Variants in RNF130 observed in about 807,000 individuals in gnomAD.
The protein encoded by RNF130 is E3 ubiquitin-protein ligase RNF130.
Under a neutral mutation model 44.6 loss-of-function variants are expected in RNF130, and 21 were observed. The ratio of observed to expected loss-of-function variants is 0.47; its 90% CI spans 0.33 to 0.68. The LOEUF is 0.68. Ranked by LOEUF, RNF130 falls within the 30% of genes least tolerant of loss-of-function variation. The pLI is 0.02. For missense variants in RNF130, 479 were observed against 560.6 expected, an observed-to-expected ratio of 0.85 and a Z score of 1.47; for synonymous variants, 214 against 210.4, an observed-to-expected ratio of 1.02 and a Z score of -0.15.
chr5:179,965,928 T>C (rs1762432477), intron 7 of RNF130, among the ~76,000 whole-genome samples: 1 of 152,160 alleles, frequency 6.6e-6, no homozygotes, highest in African/African-American at 2.4e-5. Flanking sequence ...ACTCCCAGAC[T>C]GGAGAAGGGT....
At chr5:180,036,741 C>T (rs942309259) in intron 2 of RNF130, among the ~76,000 whole-genome samples, 1 of 150,140 alleles carries the variant, frequency 6.7e-6, no homozygotes, top group African/African-American at 2.4e-5. Flanking sequence ...TTAATCCTAC[C>T]TTATAAATAT....
At chr5:180,033,527 C>G (rs76597950) in intron 2 of RNF130, among the ~76,000 whole-genome samples, 99 of 152,104 alleles carry the variant, frequency 6.5e-4, no homozygotes, top group African/African-American at 2.3e-3. Context: ...AGTTCGAGAC[C>G]AGCCCGGCCA....
chr5:180,001,223 T>C (rs1358856964), intron 3 of RNF130, among the ~76,000 whole-genome samples: 1 of 152,128 alleles, frequency 6.6e-6, no homozygotes, highest in East Asian at 1.9e-4. Flanking sequence ...TCAAAGGCCT[T>C]TGGGGACCTA....
chr5:180,026,127 A>G (rs1335311113), intron 2 of RNF130, among the ~76,000 whole-genome samples: 1 of 152,126 alleles, frequency 6.6e-6, no homozygotes, highest in Non-Finnish European at 1.5e-5. Flanking sequence ...CAAAAAAAAA[A>G]AAGAAAAACC....
intron 1 of RNF130, among the ~76,000 whole-genome samples, chr5:180,041,744 C>A (rs999124272): frequency 6.6e-6 from 1 of 152,146 alleles, no homozygotes; most frequent in African/African-American, 2.4e-5. Context: ...GGGAACACAG[C>A]GCATGGATCT....
At chr5:180,002,961 C>A (rs1196968465) in intron 3 of RNF130, among the ~76,000 whole-genome samples, 1 of 151,988 alleles carries the variant, frequency 6.6e-6, no homozygotes, top group Non-Finnish European at 1.5e-5. Flanking sequence ...GGAGATTTTA[C>A]AAGAATCTCA....
intron 7 of RNF130, among the ~76,000 whole-genome samples, chr5:179,946,836 C>G (rs567927731): frequency 4.2e-3 from 642 of 152,264 alleles, no homozygotes; most frequent in Non-Finnish European, 6.7e-3. Flanking sequence ...TTACAGACGT[C>G]AGCCACCGCG....
At chr5:180,052,258 CTGCT>C (rs1764701839) in intron 1 of RNF130, among the ~76,000 whole-genome samples, 1 of 152,214 alleles carries the variant, frequency 6.6e-6, no homozygotes, top group Non-Finnish European at 1.5e-5. Context: ...ATTCACCTGC[CTGCT>C]TGACATTTCT....
At chr5:180,057,029 G>A (rs1387859907) in intron 1 of RNF130, among the ~76,000 whole-genome samples, 1 of 152,226 alleles carries the variant, frequency 6.6e-6, no homozygotes, top group Non-Finnish European at 1.5e-5. Flanking sequence ...CTGAGTGACA[G>A]GGGTGAGAGG....
chr5:180,035,073 C>T (rs182005962), intron 2 of RNF130, among the ~76,000 whole-genome samples: 2 of 152,302 alleles, frequency 1.3e-5, no homozygotes, highest in East Asian at 3.9e-4. Context: ...TCTTTATTAA[C>T]TCCTTTGTTC....
chr5:180,001,876 TAG>T (rs1398960218), intron 3 of RNF130, among the ~76,000 whole-genome samples: 2 of 152,202 alleles, frequency 1.3e-5, no homozygotes, highest in Non-Finnish European at 2.9e-5. Context: ...AGCAGGGTAC[TAG>T]AGTTCTACGG....
At chr5:180,058,284 G>A (rs1288662478) in intron 1 of RNF130, among the ~76,000 whole-genome samples, 2 of 152,140 alleles carry the variant, frequency 1.3e-5, no homozygotes, top group African/African-American at 2.4e-5. Context: ...GCAGACTTAC[G>A]GTTGTGTATT....
At chr5:180,069,622 T>A (rs903408952) in intron 1 of RNF130, among the ~76,000 whole-genome samples, 1 of 152,210 alleles carries the variant, frequency 6.6e-6, no homozygotes, top group Non-Finnish European at 1.5e-5. Flanking sequence ...CTTTTCAGAA[T>A]TAAGGAACCG....
chr5:179,927,963 C>G (rs924479014), intron 7 of RNF130, among the ~76,000 whole-genome samples: 1 of 152,134 alleles, frequency 6.6e-6, no homozygotes, highest in Non-Finnish European at 1.5e-5. Context: ...CTCTGTCTGA[C>G]ACACAAATGT....
chr5:180,060,814 A>C (rs935891988), intron 1 of RNF130, among the ~76,000 whole-genome samples: 1 of 152,210 alleles, frequency 6.6e-6, no homozygotes, highest in African/African-American at 2.4e-5. Flanking sequence ...GGGCGCCTGT[A>C]ATCCCAGCAC....
chr5:180,052,656 C>T (rs1255668604), intron 1 of RNF130, among the ~76,000 whole-genome samples: 1 of 152,124 alleles, frequency 6.6e-6, no homozygotes. Flanking sequence ...AGGCCAGGAG[C>T]CATGCAGCTC....
intron 7 of RNF130, among the ~76,000 whole-genome samples, chr5:179,937,582 GA>G (rs1761910280): frequency 6.6e-6 from 1 of 152,176 alleles, no homozygotes; most frequent in African/African-American, 2.4e-5. Flanking sequence ...TAGCAAATCA[GA>G]ACCCTTATAC....
At chr5:179,985,525 G>T (rs1238317550) in intron 3 of RNF130, among the ~76,000 whole-genome samples, 1 of 152,076 alleles carries the variant, frequency 6.6e-6, no homozygotes, top group Non-Finnish European at 1.5e-5. Flanking sequence ...GGTTCTGGGT[G>T]GCCAGGGGCA....
intron 1 of RNF130, among the ~76,000 whole-genome samples, chr5:180,064,724 T>C (rs1765062909): frequency 6.6e-6 from 1 of 152,200 alleles, no homozygotes; most frequent in African/African-American, 2.4e-5. Context: ...CTCCCTAACT[T>C]TTCTCTCTTC....
Sources: allele counts gnomAD v4.1 joint callset (sites outside exome capture counted in the v4.1 genomes callset), GRCh38; gene constraint gnomAD v4.1.1; transcripts MANE v1.5; gene names NCBI Gene and HGNC (gene_info 2026-07-23, HGNC 2026-07-21).